Variants in CRHR1 observed in about 807,000 individuals in gnomAD.
CRHR1 encodes corticotropin releasing hormone receptor 1.
In CRHR1, 28 loss-of-function variants were observed where a neutral mutation model predicts 56.0. That is an observed-to-expected ratio of 0.50 (90% CI 0.37 to 0.69). CRHR1 has a LOEUF of 0.69. Ranked by LOEUF, CRHR1 falls within the 30% of genes least tolerant of loss-of-function variation. The pLI, the probability that CRHR1 is intolerant of heterozygous loss-of-function variation, is 0.00. For missense variants in CRHR1, 376 were observed against 548.0 expected, an observed-to-expected ratio of 0.69 and a Z score of 3.13; for synonymous variants, 195 against 216.5, an observed-to-expected ratio of 0.90 and a Z score of 0.87.
At chr17:45,821,548 C>A in intron 4 of CRHR1, 108 bp downstream of exon 4, 1 of 1,065,218 alleles carries the variant, frequency 9.4e-7, no homozygotes, top group Non-Finnish European at 1.4e-6. Context: ...AATGTCAAGG[C>A]CCTGCTCTAG....
chr17:45,829,377 G>A (rs1035412644), intron 5 of CRHR1, 56 bp downstream of exon 5: 4 of 1,522,920 alleles, frequency 2.6e-6, no homozygotes, highest in Non-Finnish European at 3.6e-6. Flanking sequence ...GCAGAAGCAG[G>A]GTGGAGAAGT....
chr17:45,830,264 G>C, intron 6 of CRHR1, 50 bp downstream of exon 6: 4 of 1,605,106 alleles, frequency 2.5e-6, no homozygotes, highest in South Asian at 1.1e-5. Flanking sequence ...ACCCAGGTCA[G>C]AGGAGGGGCC....
chr17:45,802,966 G>C (rs1180864503), intron 1 of CRHR1, among the ~76,000 whole-genome samples: 1 of 152,198 alleles, frequency 6.6e-6, no homozygotes, highest in Non-Finnish European at 1.5e-5. Context: ...TGGTCTAAGT[G>C]CTCTACTTGT....
At chr17:45,787,301 G>A (rs907347329) in intron 1 of CRHR1, among the ~76,000 whole-genome samples, 3 of 152,140 alleles carry the variant, frequency 2.0e-5, no homozygotes, top group Non-Finnish European at 2.9e-5. Context: ...AGGGGCCTGA[G>A]CACCTCGGAG....
chr17:45,798,613 G>A (rs559149171), intron 1 of CRHR1, among the ~76,000 whole-genome samples: 2 of 152,116 alleles, frequency 1.3e-5, no homozygotes, highest in Non-Finnish European at 2.9e-5. Flanking sequence ...TGGAACCTTG[G>A]AGGGGCGTGT....
chr17:45,823,336 G>A (rs945720384), intron 4 of CRHR1, among the ~76,000 whole-genome samples: 1 of 151,262 alleles, frequency 6.6e-6, no homozygotes, highest in African/African-American at 2.4e-5. Flanking sequence ...TCACACTACA[G>A]ATGGGGAGAC....
At chr17:45,822,541 G>A (rs1184158118) in intron 4 of CRHR1, among the ~76,000 whole-genome samples, 1 of 152,218 alleles carries the variant, frequency 6.6e-6, no homozygotes, top group African/African-American at 2.4e-5. Context: ...GTCGCCTAAA[G>A]ATCAGAGCTG....
chr17:45,833,861 G>A lies in CRHR1; in HGVS notation c.1065+12G>A. 2 of 1,613,092 alleles carry A rather than the reference G, an allele frequency of 1.2e-6. No individual in the cohort carries two copies. Among genetic ancestry groups the A allele is most frequent in the Non-Finnish European group, 1.7e-6 (2 of 1,179,994 alleles). ...TGGAATCCTTCCAGGTACAGCCCTG[G>A]AGGGACACATCAGCACCTCCTTGGG... On this transcript the variant is annotated intron_variant, in intron 11 of 12. Coordinates refer to ENST00000314537, the MANE Select transcript of CRHR1 (RefSeq NM_004382.5).
chr17:45,826,632 G>A (rs1044695497), intron 4 of CRHR1: 1 of 152,360 alleles, frequency 6.6e-6, no homozygotes, highest in South Asian at 2.1e-4. Context: ...AGTGGCGTGA[G>A]ACCACCCCAG....
chr17:45,815,469 T>C (rs1045912084), intron 2 of CRHR1, among the ~76,000 whole-genome samples: 4 of 152,254 alleles, frequency 2.6e-5, no homozygotes, highest in African/African-American at 9.6e-5. Flanking sequence ...AAGGGGACTT[T>C]GACATCTTCT....
intron 3 of CRHR1, among the ~76,000 whole-genome samples, chr17:45,817,802 T>TG (rs113651837): frequency 0.14 from 21,824 of 151,980 alleles, 2,142 homozygotes; most frequent in Middle Eastern, 0.22. Context: ...GAAGACACAC[T>TG]GGGAGGGGCT....
At chr17:45,790,482 A>G (rs1028579311) in intron 1 of CRHR1, among the ~76,000 whole-genome samples, 3 of 152,218 alleles carry the variant, frequency 2.0e-5, no homozygotes, top group Non-Finnish European at 2.9e-5. Context: ...TTCTTTGGCA[A>G]CTGTCCACCC....
At chr17:45,789,370 G>A (rs1318037120) in intron 1 of CRHR1, among the ~76,000 whole-genome samples, 1 of 151,358 alleles carries the variant, frequency 6.6e-6, no homozygotes, top group Admixed American at 6.6e-5. Flanking sequence ...GAGTCCCTAG[G>A]AATTTTTTTT....
At chr17:45,834,107 G>A (rs904758142) in intron 12 of CRHR1, 59 bp downstream of exon 12, 115 of 1,583,494 alleles carry the variant, frequency 7.3e-5, no homozygotes, top group Admixed American at 2.7e-4. Context: ...TGGGACTGGC[G>A]ATTGTCTAGA....
chr17:45,833,322 G>C, intron 9 of CRHR1, 112 bp downstream of exon 9: 1 of 1,451,740 alleles, frequency 6.9e-7, no homozygotes, highest in Non-Finnish European at 9.7e-7. Context: ...CCAAAGAGGG[G>C]GCATGGGTCA....
chr17:45,806,712 T>C (rs1337416696), intron 1 of CRHR1, among the ~76,000 whole-genome samples: 1 of 152,166 alleles, frequency 6.6e-6, no homozygotes, highest in African/African-American at 2.4e-5. Context: ...CTGGCCGCAC[T>C]CAGCCCCTAG....
In CRHR1 at chr17:45,829,267, AC is replaced by A. The variant is rs1279884728; in HGVS notation, c.381del (p.Cys128ValfsTer47). On this transcript the variant is annotated frameshift_variant, in exon 5 of 13. Coordinates refer to ENST00000314537, the MANE Select transcript of CRHR1 (RefSeq NM_004382.5). LOFTEE classifies it high-confidence loss of function. ...HVAVIINYLG[H>X]CISLVALLVA... ...GCAGTCATCATCAACTACCTGGGCC[AC>A]TGTATCTCCCTGGTGGCCCTCCTGG... 6.2e-7 allele frequency: 1 copy of A among 1,614,034 alleles called. No homozygotes were observed. The highest frequency in any genetic ancestry group is 8.5e-7 in the Non-Finnish European group (1 of 1,179,998).
chr17:45,802,012 T>G (rs1368147910), intron 1 of CRHR1, among the ~76,000 whole-genome samples: 1 of 152,126 alleles, frequency 6.6e-6, no homozygotes, highest in Non-Finnish European at 1.5e-5. Flanking sequence ...TCCGTGTTTT[T>G]TTTTTTGTTT....
chr17:45,831,033 T>C, intron 8 of CRHR1, 93 bp downstream of exon 8: 2 of 1,226,508 alleles, frequency 1.6e-6, no homozygotes, highest in Non-Finnish European at 2.4e-6. Flanking sequence ...TGCTGGCTTT[T>C]TCCCCTCAGG....
Sources: gnomAD v4.1 joint callset for allele counts (sites outside exome capture counted in the v4.1 genomes callset) on GRCh38, gnomAD v4.1.1 for gene constraint, MANE v1.5 for transcripts, NCBI Gene and HGNC (gene_info 2026-07-23, HGNC 2026-07-21) for gene names.